NTM: variants seen among roughly 807,000 people sequenced by gnomAD.
The protein encoded by NTM is IgLON family member 2.
NTM carries 13 observed loss-of-function variants against 42.1 expected under a neutral mutation model. The observed-to-expected ratio is 0.31, with a 90% confidence interval of 0.20 to 0.49. The LOEUF is 0.49. NTM is among the 20% of genes least tolerant of loss of function. The pLI, the probability that NTM is intolerant of heterozygous loss-of-function variation, is 0.99. For synonymous variants in NTM, 187 were observed against 179.2 expected, an observed-to-expected ratio of 1.04 and a Z score of -0.35; for missense variants, 373 against 452.8, an observed-to-expected ratio of 0.82 and a Z score of 1.60.
chr11:131,756,871 C>T (rs4936146), intron 1 of NTM, among the ~76,000 whole-genome samples: 38,567 of 151,990 alleles, frequency 0.25, 6,043 homozygotes, highest in East Asian at 0.4. Context: ...TAAAAGGAAA[C>T]GCTTCTTTGT....
At chr11:131,639,639 G>A (rs1024190078) in intron 1 of NTM, among the ~76,000 whole-genome samples, 32 of 152,134 alleles carry the variant, frequency 2.1e-4, no homozygotes, top group Non-Finnish European at 2.9e-5. Context: ...CCCTGTCTTG[G>A]GAGAGGCTGG....
intron 4 of NTM, among the ~76,000 whole-genome samples, chr11:132,288,126 A>G (rs1214297329): frequency 6.6e-6 from 1 of 152,232 alleles, no homozygotes; most frequent in Admixed American, 6.5e-5. Context: ...TGAAGCAGAC[A>G]GTTCTGCCAA....
At chr11:132,332,918 C>T (rs1371764023) in intron 8 of NTM, among the ~76,000 whole-genome samples, 1 of 152,128 alleles carries the variant, frequency 6.6e-6, no homozygotes, top group Admixed American at 6.5e-5. Context: ...CCATCTCTTA[C>T]CCAGGGCATC....
chr11:131,851,817 C>T (rs2045590451), intron 1 of NTM, among the ~76,000 whole-genome samples: 1 of 151,986 alleles, frequency 6.6e-6, no homozygotes, highest in Admixed American at 6.6e-5. Flanking sequence ...GATTATCTAA[C>T]ACTTTAGTAA....
intron 1 of NTM, among the ~76,000 whole-genome samples, chr11:131,478,088 A>G (rs962087102): frequency 1.3e-5 from 2 of 151,364 alleles, no homozygotes; most frequent in Admixed American, 1.3e-4. Flanking sequence ...CAATCAGATC[A>G]CTCCCCTTTG....
At chr11:132,327,958 AAACGCAT>A (rs2095717564) in intron 7 of NTM, among the ~76,000 whole-genome samples, 3 of 152,142 alleles carry the variant, frequency 2.0e-5, no homozygotes, top group African/African-American at 7.2e-5. Context: ...TTGGTGTGGA[AAACGCAT>A]GCTTGACAAG....
intron 2 of NTM, among the ~76,000 whole-genome samples, chr11:132,115,219 TAACG>T (rs2063725260): frequency 6.6e-6 from 1 of 152,170 alleles, no homozygotes; most frequent in Non-Finnish European, 1.5e-5. Flanking sequence ...TCTGGAGATC[TAACG>T]AACAGCTTGG....
rs138369933 is a variant in NTM at position 131,915,816 on chromosome 11, G to T, written c.167+4168G>T. Among the ~76,000 whole-genome samples, 383 of 152,324 alleles carry T rather than the reference G, an allele frequency of 2.5e-3. 1 individual carries two copies. Among genetic ancestry groups the T allele is most frequent in the African/African-American group, 8.5e-3 (354 of 41,568 alleles). ...TAAAATCATCAGATCCTGTGAGACT[G>T]ATTCACTACCACCAGAGCAGTATGG... is the stretch of plus-strand genomic sequence containing the variant. On this transcript the variant is annotated intron_variant, in intron 2 of 8. Transcript: ENST00000683400.
At chr11:131,887,284 T>C (rs2050564975) in intron 1 of NTM, among the ~76,000 whole-genome samples, 1 of 152,228 alleles carries the variant, frequency 6.6e-6, no homozygotes, top group Non-Finnish European at 1.5e-5. Flanking sequence ...ATTTGTCAAT[T>C]ATATCTCAAT....
At chr11:131,559,423 C>T (rs2055917322) in intron 1 of NTM, among the ~76,000 whole-genome samples, 1 of 152,190 alleles carries the variant, frequency 6.6e-6, no homozygotes, top group Admixed American at 6.5e-5. Context: ...CTTTGCTTCT[C>T]CACTCCTTTT....
intron 1 of NTM, among the ~76,000 whole-genome samples, chr11:131,531,363 A>G (rs367980542): frequency 6.6e-6 from 1 of 152,102 alleles, no homozygotes; most frequent in Non-Finnish European, 1.5e-5. Context: ...GCCCAGGTGG[A>G]TCTCAAACTT....
At chr11:132,037,050 A>G (rs1368688098) in intron 2 of NTM, among the ~76,000 whole-genome samples, 1 of 152,054 alleles carries the variant, frequency 6.6e-6, no homozygotes, top group Non-Finnish European at 1.5e-5. Flanking sequence ...CAGATGCTAT[A>G]GTTTGGATGT....
chr11:131,912,155 G>T (rs148642457), intron 2 of NTM, among the ~76,000 whole-genome samples: 1 of 152,194 alleles, frequency 6.6e-6, no homozygotes, highest in Admixed American at 6.5e-5. Flanking sequence ...GACTGTGCCC[G>T]GGCTTTCCTG....
At chr11:132,148,722 T>A (rs2071160684) in intron 3 of NTM, among the ~76,000 whole-genome samples, 1 of 152,134 alleles carries the variant, frequency 6.6e-6, no homozygotes, top group Admixed American at 6.5e-5. Flanking sequence ...GAACATTTAA[T>A]AAATGCTTAT....
intron 1 of NTM, among the ~76,000 whole-genome samples, chr11:131,823,409 T>A (rs1400012105): frequency 6.6e-6 from 1 of 152,160 alleles, no homozygotes; most frequent in Non-Finnish European, 1.5e-5. Context: ...GTTAACTGTA[T>A]TATACACAGA....
chr11:131,468,929 TC>T (rs980038353), intron 1 of NTM, among the ~76,000 whole-genome samples: 2 of 152,234 alleles, frequency 1.3e-5, no homozygotes, highest in Non-Finnish European at 2.9e-5. Context: ...AGAGTGCTTG[TC>T]CCCATGCAGA....
At chr11:131,523,588 G>T (rs2050038050) in intron 1 of NTM, among the ~76,000 whole-genome samples, 1 of 151,886 alleles carries the variant, frequency 6.6e-6, no homozygotes, top group African/African-American at 2.4e-5. Flanking sequence ...CAGGAGTTCA[G>T]GGCCAGCCTG....
intron 1 of NTM, among the ~76,000 whole-genome samples, chr11:131,394,904 A>T (rs1044849103): frequency 3.9e-5 from 6 of 152,246 alleles, no homozygotes; most frequent in African/African-American, 1.4e-4. Context: ...AACAGTAAAT[A>T]AAGCAGGTGA....
At chr11:132,200,127 T>G (rs1032889373) in intron 3 of NTM, among the ~76,000 whole-genome samples, 2 of 152,156 alleles carry the variant, frequency 1.3e-5, no homozygotes, top group Non-Finnish European at 2.9e-5. Flanking sequence ...CCTTGATCTA[T>G]TCACCAGCCA....
Sources: allele counts gnomAD v4.1 joint callset (sites outside exome capture counted in the v4.1 genomes callset), GRCh38; gene constraint gnomAD v4.1.1; transcripts MANE v1.5; gene names NCBI Gene and HGNC (gene_info 2026-07-23, HGNC 2026-07-21).